The following B3GLCT variants were observed in gnomAD, a reference collection of about 807,000 sequenced individuals.
The protein encoded by B3GLCT is beta 3-glucosyltransferase, also known as beta-1,3-glucosyltransferase.
Under a neutral mutation model 63.4 loss-of-function variants are expected in B3GLCT, and 65 were observed. The ratio of observed to expected loss-of-function variants is 1.03; its 90% CI spans 0.84 to 1.26. The LOEUF (loss-of-function observed/expected upper bound fraction) is 1.26. Among genes scored for constraint, B3GLCT ranks in the 50% most tolerant of loss-of-function variants. The probability of loss-of-function intolerance (pLI) is 0.00; values close to 1 mark genes in which losing one functional copy is unlikely to be tolerated. For synonymous variants in B3GLCT, 233 were observed against 219.2 expected (o/e 1.06, Z -0.55); for missense variants, 577 against 604.8 (o/e 0.95, Z 0.48).
At chr13:31,299,058 C>A (rs1373060134) in intron 12 of B3GLCT, among the ~76,000 whole-genome samples, 1 of 152,180 alleles carries the variant, frequency 6.6e-6, no homozygotes, top group African/African-American at 2.4e-5. Flanking sequence ...ATTATTCCAA[C>A]GTACTCCTGC....
At chr13:31,262,258 A>G (rs1407543485) in intron 7 of B3GLCT, among the ~76,000 whole-genome samples, 4 of 152,224 alleles carry the variant, frequency 2.6e-5, no homozygotes, top group East Asian at 1.9e-4. Flanking sequence ...TGAGCCATCT[A>G]TATGCTTTAA....
At chr13:31,317,519 A>C (rs752898315) in intron 12 of B3GLCT, 47 bp from the exon 13 acceptor site, 1 of 1,611,668 alleles carries the variant, frequency 6.2e-7, no homozygotes, top group South Asian at 1.1e-5. Flanking sequence ...TTCCATAACC[A>C]CGTTTGAATC....
At chr13:31,223,070 T>C in intron 3 of B3GLCT, 79 bp downstream of exon 3, 1 of 986,608 alleles carries the variant, frequency 1.0e-6, no homozygotes, top group East Asian at 2.4e-5. Flanking sequence ...AAGTGATTTT[T>C]TTCTGATTTT....
intron 7 of B3GLCT, among the ~76,000 whole-genome samples, chr13:31,267,366 T>A (rs1179851278): frequency 6.6e-6 from 1 of 152,246 alleles, no homozygotes; most frequent in Admixed American, 6.5e-5. Context: ...ACTTACTCTT[T>A]GTGGTCTGAT....
chr13:31,317,016 G>A (rs542507045), intron 12 of B3GLCT, among the ~76,000 whole-genome samples: 2 of 152,200 alleles, frequency 1.3e-5, no homozygotes, highest in South Asian at 4.1e-4. Context: ...AGGGAAACGA[G>A]CATGGTTGTG....
rs139522431 is a variant in B3GLCT, at chr13:31,326,483, G to A, written c.1329+2588G>A. On this transcript the variant is annotated intron_variant, in intron 14 of 14. Coordinates refer to ENST00000343307, the MANE Select transcript of B3GLCT (RefSeq NM_194318.4). ...ATTTTTAGTAGAGACGGGATTTCAT[G>A]TGTTAGCCAGGGTGGTCTCGATCTC... 5.0e-3 allele frequency among the ~76,000 whole-genome samples: 757 copies of A among 151,892 alleles called. 8 individuals are homozygous for A. Among genetic ancestry groups the A allele is most frequent in the African/African-American group, 0.018 (727 of 41,388 alleles).
chr13:31,262,010 G>A (rs1872054125), intron 7 of B3GLCT, among the ~76,000 whole-genome samples: 1 of 152,192 alleles, frequency 6.6e-6, no homozygotes, highest in Admixed American at 6.5e-5. Flanking sequence ...GGTTCCATCA[G>A]GTAGATGTGT....
At chr13:31,265,158 A>G (rs910405543) in intron 7 of B3GLCT, among the ~76,000 whole-genome samples, 3 of 152,170 alleles carry the variant, frequency 2.0e-5, no homozygotes, top group Admixed American at 6.6e-5. Flanking sequence ...CAGACTATTA[A>G]CAGTTGCGCA....
At chr13:31,283,705 A>C (rs1873179956) in intron 10 of B3GLCT, among the ~76,000 whole-genome samples, 1 of 152,148 alleles carries the variant, frequency 6.6e-6, no homozygotes, top group Non-Finnish European at 1.5e-5. Context: ...CTTATTAGCT[A>C]AACACTTAAA....
chr13:31,309,124 C>T (rs1874566294), intron 12 of B3GLCT, among the ~76,000 whole-genome samples: 1 of 152,160 alleles, frequency 6.6e-6, no homozygotes, highest in Non-Finnish European at 1.5e-5. Context: ...GATTGTTTGG[C>T]CACCCAGGAA....
intron 4 of B3GLCT, among the ~76,000 whole-genome samples, chr13:31,241,462 C>A (rs1593267288): frequency 6.6e-6 from 1 of 152,288 alleles, no homozygotes; most frequent in South Asian, 2.1e-4. Context: ...GTGTGTGATG[C>A]CCAGCAGGGA....
At chr13:31,316,692 T>C (rs1005341794) in intron 12 of B3GLCT, among the ~76,000 whole-genome samples, 1 of 151,928 alleles carries the variant, frequency 6.6e-6, no homozygotes, top group African/African-American at 2.4e-5. Flanking sequence ...GAAGGGACGT[T>C]TCTAATTGGT....
intron 12 of B3GLCT, among the ~76,000 whole-genome samples, chr13:31,288,514 C>T (rs1873467902): frequency 6.6e-6 from 1 of 152,164 alleles, no homozygotes; most frequent in Admixed American, 6.6e-5. Flanking sequence ...GCATATTCAC[C>T]CTTCTGCTGC....
In B3GLCT at chr13:31,258,292, T is replaced by C. The variant is rs12584755; in HGVS notation, c.460-2654T>C. Reference sequence around the variant, plus strand: ...TCAATCTTCCTCATCCAGAAATGCATCACTGTAACTGTCTATCTGGTTGCT... The same window carrying C: ...TCAATCTTCCTCATCCAGAAATGCACCACTGTAACTGTCTATCTGGTTGCT... On this transcript the variant is annotated intron_variant, in intron 6 of 14. Coordinates refer to ENST00000343307, the MANE Select transcript of B3GLCT (RefSeq NM_194318.4). Among the ~76,000 whole-genome samples, 1,682 of 152,302 alleles carry C rather than the reference T, an allele frequency of 0.011. 127 individuals carry two copies. In the East Asian group the frequency reaches 0.21, roughly 19 times the overall value.
chr13:31,312,963 A>T (rs893377056), intron 12 of B3GLCT: 1 of 152,258 alleles, frequency 6.6e-6, no homozygotes, highest in Non-Finnish European at 1.5e-5. Flanking sequence ...AACATTTTCT[A>T]GTCACTCAGA....
intron 1 of B3GLCT, among the ~76,000 whole-genome samples, chr13:31,211,521 A>G (rs1392515549): frequency 2.0e-5 from 3 of 151,934 alleles, no homozygotes; most frequent in Non-Finnish European, 2.9e-5. Flanking sequence ...ATTTGTATCT[A>G]TCATGGGAAA....
chr13:31,236,830 G>C (rs965471195), intron 4 of B3GLCT, among the ~76,000 whole-genome samples: 3 of 152,118 alleles, frequency 2.0e-5, no homozygotes, highest in Non-Finnish European at 4.4e-5. Context: ...TAGCACTTTA[G>C]AGATCCATGA....
intron 14 of B3GLCT, among the ~76,000 whole-genome samples, chr13:31,325,635 A>T (rs1875567215): frequency 6.6e-6 from 1 of 152,234 alleles, no homozygotes; most frequent in Admixed American, 6.5e-5. Context: ...AAACTTTTCC[A>T]AAATCATAAA....
intron 12 of B3GLCT, among the ~76,000 whole-genome samples, chr13:31,304,201 C>T (rs201613473): frequency 0.031 from 1,799 of 58,000 alleles, 7 homozygotes; most frequent in African/African-American, 0.043. Flanking sequence ...AAGGAACAAC[C>T]GGTACCAGCC....
Sources: allele counts gnomAD v4.1 joint callset (sites outside exome capture counted in the v4.1 genomes callset), GRCh38; gene constraint gnomAD v4.1.1; transcripts MANE v1.5; gene names NCBI Gene and HGNC (gene_info 2026-07-23, HGNC 2026-07-21).